CDYL2: variants seen among roughly 807,000 people sequenced by gnomAD.
The protein encoded by CDYL2 is chromodomain Y-like protein 2.
Under a neutral mutation model 49.4 loss-of-function variants are expected in CDYL2, and 23 were observed. The observed-to-expected ratio is 0.47, with a 90% CI of 0.34 to 0.66. CDYL2 has a LOEUF of 0.66. Among genes scored for constraint, CDYL2 ranks in the 30% least tolerant of loss-of-function variants. The pLI, the probability that CDYL2 is intolerant of heterozygous loss-of-function variation, is 0.01. For synonymous variants in CDYL2, 360 were observed against 268.8 expected (o/e 1.34, Z -3.32); for missense variants, 678 against 656.4 (o/e 1.03, Z -0.36).
chr16:80,775,364 T>A (rs1025108917), intron 1 of CDYL2, among the ~76,000 whole-genome samples: 1 of 151,856 alleles, frequency 6.6e-6, no homozygotes, highest in Non-Finnish European at 1.5e-5. Flanking sequence ...AAAATCTGTA[T>A]ATACAGTTTA....
intron 1 of CDYL2, among the ~76,000 whole-genome samples, chr16:80,755,855 G>T (rs1464271353): frequency 6.6e-6 from 1 of 152,168 alleles, no homozygotes; most frequent in Non-Finnish European, 1.5e-5. Context: ...ATGGGAGCAG[G>T]GGGAGGTAAT....
At chr16:80,632,992 C>T in intron 3 of CDYL2, 27 bp downstream of exon 3, 1 of 1,602,080 alleles carries the variant, frequency 6.2e-7, no homozygotes. Flanking sequence ...GCCCAGCTTG[C>T]CCTTCCCTCT....
In CDYL2 at chr16:80,599,152, G is replaced by A. The variant is rs1197133582; in HGVS notation, c.*5236C>T. ...CTAGATGTTGGATCAATGATATAAG[G>A]TTAAGCCATAAAAACACCAGAGGTG... On this transcript the variant is annotated 3_prime_UTR_variant, in exon 7 of 7. Coordinates refer to ENST00000570137, the MANE Select transcript of CDYL2 (RefSeq NM_152342.4). 1 of 152,052 alleles carries A rather than the reference G, an allele frequency of 6.6e-6. No homozygotes were observed. The highest frequency in any genetic ancestry group is 1.5e-5 in the Non-Finnish European group (1 of 68,018). 9.4% of individuals were successfully genotyped at this position (152,052 alleles called of 1,614,324 possible). A position where few individuals can be genotyped will look rare whatever the true frequency, so the allele number is the denominator to read the frequency against.
chr16:80,649,434 T>A (rs1322880286), intron 2 of CDYL2, among the ~76,000 whole-genome samples: 1 of 152,084 alleles, frequency 6.6e-6, no homozygotes. Flanking sequence ...ACCAAAGATG[T>A]GAAAGATCTC....
At chr16:80,804,920 G>A (rs1908055208), upstream of CDYL2, among the ~76,000 whole-genome samples, 1 of 152,034 alleles carries the variant, frequency 6.6e-6, no homozygotes, top group Non-Finnish European at 1.5e-5. Flanking sequence ...ACCCTCGAGG[G>A]GAGTGGACGC....
At position 80,599,595 on chromosome 16, in the gene CDYL2, G is replaced by A. The variant is rs924109078; in HGVS notation, c.*4793C>T. The stretch of plus-strand genomic sequence containing the variant: ...CTGAGGACACATGGGAATGCTGATT[G>A]TGTAACTAAAATTGACTTCAGATTG... On this transcript the variant is annotated 3_prime_UTR_variant, in exon 7 of 7. Transcript: ENST00000570137. 3 of 152,194 alleles carry A rather than the reference G, an allele frequency of 2.0e-5. No homozygotes were observed. 9.4% of individuals were successfully genotyped at this position (152,194 alleles called of 1,614,324 possible). A position where few individuals can be genotyped will look rare whatever the true frequency, so the allele number is the denominator to read the frequency against.
intron 1 of CDYL2, among the ~76,000 whole-genome samples, chr16:80,758,710 T>A (rs990517837): frequency 2.0e-5 from 3 of 151,842 alleles, no homozygotes; most frequent in Non-Finnish European, 4.4e-5. Flanking sequence ...ACCCAGCTAA[T>A]TTTTTGTATT....
At chr16:80,609,632 T>C (rs186468533) in intron 5 of CDYL2, among the ~76,000 whole-genome samples, 1 of 152,326 alleles carries the variant, frequency 6.6e-6, no homozygotes, top group East Asian at 1.9e-4. Context: ...TCTGCTCCAA[T>C]GAACCTGGAT....
At chr16:80,621,119 T>G (rs959882942) in intron 3 of CDYL2, among the ~76,000 whole-genome samples, 184 bp from the exon 4 acceptor site, 1 of 152,138 alleles carries the variant, frequency 6.6e-6, no homozygotes, top group Non-Finnish European at 1.5e-5. Flanking sequence ...AAAACACTTA[T>G]CATAGCCAAA....
intron 1 of CDYL2, among the ~76,000 whole-genome samples, chr16:80,693,660 G>A (rs145560523): frequency 2.6e-5 from 4 of 152,268 alleles, no homozygotes; most frequent in African/African-American, 9.6e-5. Flanking sequence ...ACATTCAGGT[G>A]CCAAGGACCA....
intron 1 of CDYL2, among the ~76,000 whole-genome samples, chr16:80,767,467 C>G (rs1374676748): frequency 6.6e-6 from 1 of 152,192 alleles, no homozygotes; most frequent in African/African-American, 2.4e-5. Context: ...GAGGCTTTCA[C>G]TGCACACAGA....
intron 1 of CDYL2, among the ~76,000 whole-genome samples, chr16:80,761,838 C>T (rs571587511): frequency 9.1e-4 from 131 of 144,720 alleles, no homozygotes; most frequent in African/African-American, 3.2e-3. Context: ...ATATAATGCA[C>T]ATAAAATAAC....
chr16:80,774,951 G>A (rs887436627), intron 1 of CDYL2, among the ~76,000 whole-genome samples: 1 of 151,396 alleles, frequency 6.6e-6, no homozygotes, highest in African/African-American at 2.4e-5. Flanking sequence ...CTAAGACACA[G>A]AAGGTTAGCA....
chr16:80,625,659 T>C (rs1907268304), intron 3 of CDYL2, among the ~76,000 whole-genome samples: 1 of 152,242 alleles, frequency 6.6e-6, no homozygotes, highest in Admixed American at 6.5e-5. Flanking sequence ...AGACATATCA[T>C]ATTTAAACTT....
At chr16:80,678,596 A>C (rs929166043) in intron 2 of CDYL2, among the ~76,000 whole-genome samples, 9 of 150,880 alleles carry the variant, frequency 6.0e-5, no homozygotes, top group Admixed American at 2.0e-4. Flanking sequence ...GGCAATCATT[A>C]AAAAGTCAGG....
chr16:80,636,965 G>C (rs56009700), intron 2 of CDYL2, among the ~76,000 whole-genome samples: 1 of 152,084 alleles, frequency 6.6e-6, no homozygotes, highest in Admixed American at 6.6e-5. Context: ...AGAACGCCAA[G>C]CACCGCATAT....
At chr16:80,794,535 T>TAA (rs149397945) in intron 1 of CDYL2, among the ~76,000 whole-genome samples, 1 of 151,566 alleles carries the variant, frequency 6.6e-6, no homozygotes, top group African/African-American at 2.4e-5. Flanking sequence ...TTCAATGTGT[T>TAA]AAAAATATGG....
chr16:80,612,203 T>C lies in CDYL2; in HGVS notation c.1218+423A>G, dbSNP rs917631388. ...GCTTCTGGCTCTCTCTTCTCTCCCA[T>C]TGGCTGGAAGTGAGGGCACATTTAC... On this transcript the variant is annotated intron_variant, in intron 5 of 6. Coordinates refer to ENST00000570137, the MANE Select transcript of CDYL2 (RefSeq NM_152342.4). The surrounding 1 kb of genome is among the most constrained non-coding windows in gnomAD (Gnocchi z 5.0). 9.9e-5 allele frequency among the ~76,000 whole-genome samples: 15 copies of C among 152,204 alleles called. No individual in the cohort carries two copies. The South Asian group carries it at 1.2e-3, about 13-fold the overall frequency.
chr16:80,787,709 A>C (rs985446016), intron 1 of CDYL2, among the ~76,000 whole-genome samples: 4 of 152,158 alleles, frequency 2.6e-5, no homozygotes, highest in African/African-American at 4.8e-5. Flanking sequence ...AATTACCATC[A>C]GTGTTTTACT....
Sources: gnomAD v4.1 joint callset for allele counts (sites outside exome capture counted in the v4.1 genomes callset) on GRCh38, gnomAD v4.1.1 for gene constraint, Gnocchi (gnomAD v3.1) non-coding constraint, MANE v1.5 for transcripts, NCBI Gene and HGNC (gene_info 2026-07-23, HGNC 2026-07-21) for gene names.